Variants in CHD2 observed in about 807,000 individuals in gnomAD.
The protein encoded by CHD2 is chromodomain helicase DNA binding protein 2.
In CHD2, 28 loss-of-function variants were observed where a neutral mutation model predicts 243.9. The ratio of observed to expected loss-of-function variants is 0.11; its 90% CI spans 0.09 to 0.16. CHD2 has a LOEUF of 0.16. CHD2 is among the 10% of genes least tolerant of loss of function. CHD2 has a pLI of 1.00. For missense variants in CHD2, 1,386 were observed against 2,209.8 expected, an observed-to-expected ratio of 0.63 and a Z score of 7.47; for synonymous variants, 775 against 779.0, an observed-to-expected ratio of 0.99 and a Z score of 0.09.
chr15:92,957,678 T>C (rs2053633717), intron 16 of CHD2, among the ~76,000 whole-genome samples: 1 of 151,926 alleles, frequency 6.6e-6, no homozygotes, highest in Non-Finnish European at 1.5e-5. Flanking sequence ...CAGGATTAAA[T>C]TTTATTTTTT....
chr15:93,027,528 G>T lies in CHD2; in HGVS notation c.*2823G>T, dbSNP rs1043207217. 21 of 152,522 alleles carry T rather than the reference G, an allele frequency of 1.4e-4. No homozygotes were observed. Among genetic ancestry groups the T allele is most frequent in the Admixed American group, 1.4e-3 (21 of 15,284 alleles). The allele number at this position is 152,522 out of a possible 1,614,324, so 9.4% of individuals were successfully genotyped here. ...CTTCGAAGGGAAGCCCAAACACTTT[G>T]CACGCTGTGCTGCAGACATTCTGGC... is the stretch of plus-strand genomic sequence containing the variant. On this transcript the variant is annotated 3_prime_UTR_variant, in exon 39 of 39. Transcript: ENST00000394196.
chr15:93,022,029 C>T (rs977019162), intron 38 of CHD2: 1 of 152,232 alleles, frequency 6.6e-6, no homozygotes, highest in African/African-American at 2.4e-5. Context: ...AGAACCAGAG[C>T]AGTGCTCAGT....
At chr15:92,925,979 T>C (rs1266875863) in intron 3 of CHD2, among the ~76,000 whole-genome samples, 1 of 152,232 alleles carries the variant, frequency 6.6e-6, no homozygotes, top group African/African-American at 2.4e-5. Flanking sequence ...TGGATCATTT[T>C]TCATAAAGAT....
At position 92,904,475 on chromosome 15, in the gene CHD2, G is replaced by A. The variant is rs1339099872; in HGVS notation, c.62+3176G>A. ...GGCGCTTTCTCCTCCCCCTACCCAG[G>A]GAGCCGCACGCCGAGGGGAAAAGGA... On this transcript the variant is annotated intron_variant, in intron 2 of 38. Transcript: ENST00000394196. 6 of 989,628 alleles carry A rather than the reference G, an allele frequency of 6.1e-6. No homozygotes were observed. In the East Asian group the frequency reaches 4.5e-4, roughly 74 times the overall value. 61.3% of individuals were successfully genotyped at this position (989,628 alleles called of 1,614,324 possible).
rs1001429950 is a variant in CHD2 at position 92,992,737 on chromosome 15, A to G, written c.3456-122A>G. The G allele has an allele frequency of 2.4e-6, 3 of 1,234,484 alleles. No homozygotes were observed. In the African/African-American group the frequency reaches 4.5e-5, roughly 18 times the overall value. The allele number at this position is 1,234,484 out of a possible 1,614,324, so 76.5% of individuals were successfully genotyped here. On this transcript the variant is annotated intron_variant, in intron 27 of 38. Coordinates refer to ENST00000394196, the MANE Select transcript of CHD2 (RefSeq NM_001271.4). ...TTGTTGGAGCCTTAGAATGACCACTAAAGGAACGCAAAGAAAAGTGTCTTT... is the reference window on the plus strand; with the variant it reads ...TTGTTGGAGCCTTAGAATGACCACTGAAGGAACGCAAAGAAAAGTGTCTTT...
chr15:92,975,604 G>A (rs2053896961), intron 20 of CHD2, among the ~76,000 whole-genome samples: 8 of 151,510 alleles, frequency 5.3e-5, no homozygotes, highest in Admixed American at 5.3e-4. Flanking sequence ...AGGAAGCAGT[G>A]GAGACAACCT....
chr15:92,966,519 T>A (rs1596414921), intron 16 of CHD2, among the ~76,000 whole-genome samples: 2 of 152,210 alleles, frequency 1.3e-5, no homozygotes, highest in East Asian at 3.8e-4. Flanking sequence ...CGACTTTAGA[T>A]GTCTACCCCA....
chr15:92,903,635 A>C (rs2052563138), intron 2 of CHD2, among the ~76,000 whole-genome samples: 3 of 152,218 alleles, frequency 2.0e-5, no homozygotes, highest in African/African-American at 7.2e-5. Context: ...TTTAAAACAA[A>C]GTTCTAATGA....
intron 16 of CHD2, among the ~76,000 whole-genome samples, chr15:92,960,826 T>A (rs2053678158): frequency 6.7e-6 from 1 of 148,452 alleles, no homozygotes; most frequent in Non-Finnish European, 1.5e-5. Context: ...GCATTTCTCA[T>A]GCCTCAGCCT....
intron 7 of CHD2, among the ~76,000 whole-genome samples, chr15:92,940,448 A>G (rs1244275795): frequency 1.3e-5 from 2 of 152,192 alleles, no homozygotes; most frequent in Non-Finnish European, 2.9e-5. Flanking sequence ...TCCTGTCTCA[A>G]AAAGAAAAAG....
At chr15:92,924,066 T>C (rs1396576265) in intron 2 of CHD2, among the ~76,000 whole-genome samples, 1 of 152,162 alleles carries the variant, frequency 6.6e-6, no homozygotes, top group Non-Finnish European at 1.5e-5. Context: ...AGAGTTTCTG[T>C]CAAGAGCCTG....
intron 5 of CHD2, 45 bp from the exon 6 acceptor site, chr15:92,937,473 G>A: frequency 7.1e-7 from 1 of 1,401,228 alleles, no homozygotes; most frequent in Middle Eastern, 1.8e-4. Flanking sequence ...TTATCTTGAA[G>A]GATTCTTTTA....
At chr15:92,903,776 C>T (rs1476523366) in intron 2 of CHD2, among the ~76,000 whole-genome samples, 1 of 152,184 alleles carries the variant, frequency 6.6e-6, no homozygotes, top group South Asian at 2.1e-4. Context: ...CACGGCACCA[C>T]GTTAGCAATT....
intron 7 of CHD2, among the ~76,000 whole-genome samples, chr15:92,940,167 A>G (rs1307576706): frequency 6.6e-6 from 1 of 152,168 alleles, no homozygotes; most frequent in Non-Finnish European, 1.5e-5. Flanking sequence ...ATCATTAGTG[A>G]AATAGGCCAG....
At chr15:92,954,128 C>G (rs1415234583) in intron 14 of CHD2, 1 of 153,120 alleles carries the variant, frequency 6.5e-6, no homozygotes. Flanking sequence ...CTTTGTTTAG[C>G]AGATCTTTTC....
At chr15:92,915,528 C>G (rs974961283) in intron 2 of CHD2, among the ~76,000 whole-genome samples, 1 of 152,140 alleles carries the variant, frequency 6.6e-6, no homozygotes, top group Non-Finnish European at 1.5e-5. Context: ...GCCTCGGCCT[C>G]CCAAAGTGCT....
At chr15:93,009,413 C>T in intron 35 of CHD2, 90 bp downstream of exon 35, 1 of 1,293,644 alleles carries the variant, frequency 7.7e-7, no homozygotes. Flanking sequence ...GCATAGCCAC[C>T]TAAGAAATCT....
intron 2 of CHD2, chr15:92,904,724 A>T: frequency 7.1e-7 from 1 of 1,399,868 alleles, no homozygotes; most frequent in Non-Finnish European, 9.2e-7. Flanking sequence ...CTTAAAATAG[A>T]AAATTTGCCC....
At chr15:92,916,424 T>G (rs2052837473) in intron 2 of CHD2, among the ~76,000 whole-genome samples, 1 of 152,250 alleles carries the variant, frequency 6.6e-6, no homozygotes, top group South Asian at 2.1e-4. Flanking sequence ...CTTTTACATT[T>G]TCATAAATGG....
Sources: gnomAD v4.1 joint callset for allele counts (sites outside exome capture counted in the v4.1 genomes callset) on GRCh38, gnomAD v4.1.1 for gene constraint, MANE v1.5 for transcripts, NCBI Gene and HGNC (gene_info 2026-07-23, HGNC 2026-07-21) for gene names.